The following NCKAP5 variants were observed in gnomAD, a reference collection of about 807,000 sequenced individuals.
NCKAP5 encodes the protein nck-associated protein 5.
In NCKAP5, 92 loss-of-function variants were observed where a neutral mutation model predicts 167.0. The observed-to-expected ratio is 0.55, with a 90% CI of 0.47 to 0.66. NCKAP5 has a LOEUF of 0.66. NCKAP5 is among the 30% of genes least tolerant of loss of function. The pLI is 0.00. For synonymous variants in NCKAP5, 891 were observed against 877.4 expected (o/e 1.02, Z -0.27); for missense variants, 2,378 against 2,315.0 (o/e 1.03, Z -0.56).
At position 133,251,089 on chromosome 2, in the gene NCKAP5, C is replaced by A. The variant is rs563134447; in HGVS notation, c.144-37310G>T. Among the ~76,000 whole-genome samples, 697 of 150,924 alleles carry A rather than the reference C, an allele frequency of 4.6e-3. 5 individuals carry two copies. Among genetic ancestry groups the A allele is most frequent in the African/African-American group, 0.016 (643 of 41,308 alleles). On this transcript the variant is annotated intron_variant, in intron 4 of 19. Coordinates refer to ENST00000409261, the MANE Select transcript of NCKAP5 (RefSeq NM_207363.3). ...ATTCTTTAAAAATAAAAAAAAAAACCCAGCATAACAGTAATAAGAAAACAC... is the reference window on the plus strand; with the variant it reads ...ATTCTTTAAAAATAAAAAAAAAAACACAGCATAACAGTAATAAGAAAACAC...
chr2:133,339,781 C>T (rs1376928477), intron 3 of NCKAP5, among the ~76,000 whole-genome samples: 2 of 152,210 alleles, frequency 1.3e-5, no homozygotes, highest in African/African-American at 4.8e-5. Context: ...ATTTGAAATA[C>T]TAATCTCACT....
chr2:133,146,937 C>T (rs2083218498), intron 5 of NCKAP5, among the ~76,000 whole-genome samples: 1 of 152,064 alleles, frequency 6.6e-6, no homozygotes, highest in Admixed American at 6.6e-5. Flanking sequence ...TGTATATATC[C>T]ATGGCAAACA....
At chr2:133,452,832 C>A (rs1377964223) in intron 3 of NCKAP5, among the ~76,000 whole-genome samples, 1 of 152,148 alleles carries the variant, frequency 6.6e-6, no homozygotes, top group East Asian at 1.9e-4. Flanking sequence ...TGTGTGGCCT[C>A]TTTCCCCTGT....
intron 12 of NCKAP5, among the ~76,000 whole-genome samples, chr2:132,793,381 G>A (rs1684229379): frequency 6.6e-6 from 1 of 152,172 alleles, no homozygotes; most frequent in South Asian, 2.1e-4. Flanking sequence ...GGAGCAGGCA[G>A]GGGCAAAGAT....
intron 6 of NCKAP5, among the ~76,000 whole-genome samples, chr2:133,102,684 C>T (rs1208533030): frequency 2.0e-5 from 3 of 151,078 alleles, no homozygotes; most frequent in Non-Finnish European, 4.4e-5. Flanking sequence ...CATGATCATG[C>T]CTTTGGCTCT....
In NCKAP5 at chr2:133,123,812, G is replaced by GA. The variant is rs540043266; in HGVS notation, c.341+6165dup. ...ATTTTCCTCCTTCTAAAGATGCAGA[G>GA]AAAATGTTCTTTTAATGTACCAGAT... On this transcript the variant is annotated intron_variant, in intron 6 of 19. Coordinates refer to ENST00000409261, the MANE Select transcript of NCKAP5 (RefSeq NM_207363.3). 72 of 471,104 alleles carry GA rather than the reference G, an allele frequency of 1.5e-4. No homozygotes were observed. The East Asian group carries it at 4.4e-3, about 29-fold the overall frequency. The allele number at this position is 471,104 out of a possible 1,614,324, so 29.2% of individuals were successfully genotyped here.
intron 3 of NCKAP5, among the ~76,000 whole-genome samples, chr2:133,387,635 T>C (rs1221268887): frequency 6.6e-6 from 1 of 152,172 alleles, no homozygotes; most frequent in Non-Finnish European, 1.5e-5. Context: ...TCCTGAAGAG[T>C]GTTTTCCAGC....
intron 8 of NCKAP5, among the ~76,000 whole-genome samples, chr2:132,957,630 T>A (rs1319431434): frequency 6.6e-6 from 1 of 152,190 alleles, no homozygotes; most frequent in Admixed American, 6.5e-5. Flanking sequence ...TCATAGAAAC[T>A]AGAATCCCTC....
At chr2:133,321,196 G>A (rs570095445) in intron 3 of NCKAP5, among the ~76,000 whole-genome samples, 1 of 152,210 alleles carries the variant, frequency 6.6e-6, no homozygotes, top group South Asian at 2.1e-4. Context: ...TCCCCAGATC[G>A]GAGCCTCAAA....
chr2:133,328,861 A>T (rs1302999445), intron 3 of NCKAP5, among the ~76,000 whole-genome samples: 1 of 152,212 alleles, frequency 6.6e-6, no homozygotes, highest in Non-Finnish European at 1.5e-5. Flanking sequence ...GGGAACTTTC[A>T]TGGAAAGAAA....
At chr2:133,045,134 A>C (rs990537669) in intron 6 of NCKAP5, among the ~76,000 whole-genome samples, 5 of 152,116 alleles carry the variant, frequency 3.3e-5, no homozygotes, top group Admixed American at 1.3e-4. Flanking sequence ...AGATCTTAGC[A>C]GCACTGTTTG....
intron 16 of NCKAP5, among the ~76,000 whole-genome samples, chr2:132,734,155 CT>C (rs954056364): frequency 6.6e-6 from 1 of 152,204 alleles, no homozygotes; most frequent in Non-Finnish European, 1.5e-5. Context: ...TCATGACCTT[CT>C]CTTTTCATTT....
the NCKAP5 span, among the ~76,000 whole-genome samples, chr2:133,590,061 G>A: frequency 6.6e-6 from 1 of 152,012 alleles, no homozygotes; most frequent in Non-Finnish European, 1.5e-5. Context: ...GTTAACCGGG[G>A]CTCCTCAACT....
At chr2:132,905,613 T>C (rs1693949632) in intron 8 of NCKAP5, among the ~76,000 whole-genome samples, 1 of 152,226 alleles carries the variant, frequency 6.6e-6, no homozygotes, top group African/African-American at 2.4e-5. Context: ...CTTTACTAAA[T>C]TCTGCCTTAT....
rs368719343 is a variant in NCKAP5, at chr2:132,834,484, A to G, written c.807+26008T>C. On this transcript the variant is annotated intron_variant, in intron 11 of 19. Coordinates refer to ENST00000409261, the MANE Select transcript of NCKAP5 (RefSeq NM_207363.3). ...CTCAGCCTCCCGAGTACCTGGGACT[A>G]CAGGCACCCACCACCATGCCTGGCT... is the stretch of plus-strand genomic sequence containing the variant. 3.9e-5 allele frequency among the ~76,000 whole-genome samples: 6 copies of G among 152,252 alleles called. 1 individual carries two copies. Among genetic ancestry groups the G allele is most frequent in the East Asian group, 1.9e-4 (1 of 5,176 alleles).
intron 6 of NCKAP5, among the ~76,000 whole-genome samples, chr2:133,031,591 G>A (rs1328841560): frequency 1.3e-5 from 2 of 151,868 alleles, no homozygotes; most frequent in Non-Finnish European, 2.9e-5. Context: ...GTGGTCTGCT[G>A]GCGGGTGGGT....
chr2:133,625,286 T>C, the NCKAP5 span, among the ~76,000 whole-genome samples: 1 of 152,188 alleles, frequency 6.6e-6, no homozygotes, highest in Non-Finnish European at 1.5e-5. Flanking sequence ...CAAGACATAT[T>C]TTATCTTTAA....
intron 11 of NCKAP5, among the ~76,000 whole-genome samples, chr2:132,831,685 C>CTA (rs2105368867): frequency 6.6e-6 from 1 of 151,852 alleles, no homozygotes; most frequent in African/African-American, 2.4e-5. Flanking sequence ...ACTTTATTTA[C>CTA]GATGTCTTTT....
chr2:133,137,868 A>T (rs2149824335), intron 5 of NCKAP5, among the ~76,000 whole-genome samples: 1 of 152,340 alleles, frequency 6.6e-6, no homozygotes, highest in East Asian at 1.9e-4. Flanking sequence ...TTGCCATGAG[A>T]ACACACCTGA....
Sources: allele counts gnomAD v4.1 joint callset (sites outside exome capture counted in the v4.1 genomes callset), GRCh38; gene constraint gnomAD v4.1.1; transcripts MANE v1.5; gene names NCBI Gene and HGNC (gene_info 2026-07-23, HGNC 2026-07-21).